Variants in DNAH11 observed in about 807,000 individuals in gnomAD.
The protein encoded by DNAH11 is axonemal beta dynein heavy chain 11.
DNAH11 carries 442 observed loss-of-function variants against 526.0 expected under a neutral mutation model. That is an observed-to-expected ratio of 0.84 (90% CI 0.78 to 0.91). The LOEUF (loss-of-function observed/expected upper bound fraction) is 0.91, where lower values mean the gene tolerates loss of function less well. DNAH11 is among the 40% of genes least tolerant of loss of function. DNAH11 has a pLI of 0.00. For synonymous variants in DNAH11, 2,461 were observed against 1,935.9 expected, an observed-to-expected ratio of 1.27 and a Z score of -7.12; for missense variants, 6,989 against 5,448.7, an observed-to-expected ratio of 1.28 and a Z score of -8.90.
intron 4 of DNAH11, 61 bp from the exon 5 acceptor site, chr7:21,561,010 G>T (rs1232685522): frequency 1.8e-6 from 2 of 1,086,342 alleles, no homozygotes; most frequent in African/African-American, 3.2e-5. Context: ...ATTACAGAAT[G>T]CATGTATTTA....
rs544172523 is a variant in DNAH11, at chr7:21,550,620, T to C, written c.495+5471T>C. Among the ~76,000 whole-genome samples, 3 of 152,304 alleles carry C rather than the reference T, an allele frequency of 2.0e-5. No homozygotes were observed. The East Asian group carries it at 5.8e-4, about 29-fold the overall frequency. On this transcript the variant is annotated intron_variant, in intron 2 of 81. Transcript: ENST00000409508. ...GAGTTTGATTCATTCTTTCTACCTT[T>C]CCAGAGGAAGGGGGATGCCAAGGGG... is the stretch of plus-strand genomic sequence containing the variant.
At chr7:21,747,297 G>A (rs1303828914) in intron 51 of DNAH11, among the ~76,000 whole-genome samples, 1 of 152,112 alleles carries the variant, frequency 6.6e-6, no homozygotes, top group Non-Finnish European at 1.5e-5. Context: ...CTCTGTTACT[G>A]GAGGTTTTCA....
chr7:21,562,536 A>G (rs1426401804), intron 5 of DNAH11, among the ~76,000 whole-genome samples: 1 of 152,114 alleles, frequency 6.6e-6, no homozygotes, highest in Non-Finnish European at 1.5e-5. Context: ...TCTGAGCCTT[A>G]TGCATGTGTG....
At position 21,622,742 on chromosome 7, in the gene DNAH11, T is replaced by G. The variant is rs1436439544; in HGVS notation, c.4500+2664T>G. On this transcript the variant is annotated intron_variant, in intron 25 of 81. Transcript: ENST00000409508. The stretch of plus-strand genomic sequence containing the variant: ...AAAGGATTCCCCATTTAATAAATGG[T>G]GCTGGGAAAACTGGCTAGCCATATG... 2.6e-5 allele frequency among the ~76,000 whole-genome samples: 4 copies of G among 152,232 alleles called. No individual in the cohort carries two copies. In the East Asian group the frequency reaches 5.8e-4, roughly 22 times the overall value.
Position 21,735,850 on chromosome 7 carries a change from T to C in DNAH11, c.7645+6T>C, listed in dbSNP as rs763999362. On this transcript the variant is annotated splice_donor_region_variant and intron_variant, in intron 46 of 81. Transcript: ENST00000409508. ...GACATCCACAGCTCTGCAAAGTAAG[T>C]GCACCTGTTTATTTTCTAGAAACAA... The C allele has an allele frequency of 3.2e-6, 5 of 1,584,130 alleles. No homozygotes were observed. The South Asian group carries it at 4.6e-5, about 15-fold the overall frequency.
chr7:21,865,739 A>C (rs1490539637), intron 70 of DNAH11, among the ~76,000 whole-genome samples: 1 of 152,250 alleles, frequency 6.6e-6, no homozygotes, highest in African/African-American at 2.4e-5. Flanking sequence ...GTGAGTCTGT[A>C]AAGCGAAAGC....
chr7:21,650,036 C>A (rs1373900146), intron 28 of DNAH11, among the ~76,000 whole-genome samples: 1 of 152,014 alleles, frequency 6.6e-6, no homozygotes, highest in South Asian at 2.1e-4. Flanking sequence ...TTAAGTTGTA[C>A]ACACATGATT....
At position 21,707,732 on chromosome 7, in the gene DNAH11, A is replaced by C. The variant is rs1418789300; in HGVS notation, c.6580A>C (p.Met2194Leu). ...LRTLNRTYVN[M>L]KQKPVWNDLN... ...AACACTGAACCGAACATATGTTAAC[A>C]TGAAACAGAAGCCGGTTTGGAATGA... The change falls in exon 40 of 82, where the codon ATG becomes CTG. Residue 2194 changes from methionine (M) to leucine (L), a missense_variant. Physicochemically the swap from Met to Leu is conservative, Grantham distance 15. Transcript: ENST00000409508. 2 of 1,613,512 alleles carry C rather than the reference A, an allele frequency of 1.2e-6. No homozygotes were observed. Among genetic ancestry groups the C allele is most frequent in the Non-Finnish European group, 1.7e-6 (2 of 1,179,654 alleles).
chr7:21,749,739 T>C lies in DNAH11; in HGVS notation c.8735T>C (p.Leu2912Pro). 3 of 1,614,014 alleles carry C rather than the reference T, an allele frequency of 1.9e-6. No homozygotes were observed. The highest frequency in any genetic ancestry group is 2.5e-6 in the Non-Finnish European group (3 of 1,179,874). Residue 2912 changes from leucine (L) to proline (P), a missense_variant, in exon 53 of 82, where the codon CTG (leucine) becomes CCG (proline). Leu to Pro is a moderately conservative substitution (Grantham distance 98, BLOSUM62 -3). Coordinates refer to ENST00000409508, the MANE Select transcript of DNAH11 (RefSeq NM_001277115.2). ...GAKNMPTVFL[L>P]TDAQVLDESF... ...AAGAACATGCCCACTGTGTTCCTGC[T>C]GACAGATGCCCAGGTTCTAGATGAG... is the stretch of plus-strand genomic sequence containing the variant.
At chr7:21,670,217 T>C (rs1026559047) in intron 30 of DNAH11, among the ~76,000 whole-genome samples, 1 of 152,068 alleles carries the variant, frequency 6.6e-6, no homozygotes, top group African/African-American at 2.4e-5. Context: ...CAGCAATGTT[T>C]TCTGTAGTTT....
At chr7:21,788,582 G>A (rs1427048159) in intron 60 of DNAH11, among the ~76,000 whole-genome samples, 1 of 151,968 alleles carries the variant, frequency 6.6e-6, no homozygotes, top group African/African-American at 2.4e-5. Context: ...CTCCCCACCA[G>A]CAGAAAAAAA....
At chr7:21,622,177 A>G (rs1474658551) in intron 25 of DNAH11, among the ~76,000 whole-genome samples, 1 of 152,202 alleles carries the variant, frequency 6.6e-6, no homozygotes, top group Non-Finnish European at 1.5e-5. Flanking sequence ...CACCAATAAC[A>G]GACAAACAGA....
At chr7:21,580,088 T>A (rs780847758) in intron 8 of DNAH11, among the ~76,000 whole-genome samples, 1 of 152,204 alleles carries the variant, frequency 6.6e-6, no homozygotes, top group Non-Finnish European at 1.5e-5. Context: ...TGTGGGACTT[T>A]CCAAGGGAGA....
chr7:21,895,820 G>T (rs6970450), intron 79 of DNAH11, among the ~76,000 whole-genome samples: 2 of 152,026 alleles, frequency 1.3e-5, no homozygotes, highest in Non-Finnish European at 2.9e-5. Context: ...AGCTCTGCCT[G>T]CCGGGTTCAC....
At chr7:21,602,434 T>A (rs564298912) in intron 18 of DNAH11, among the ~76,000 whole-genome samples, 5 of 152,206 alleles carry the variant, frequency 3.3e-5, no homozygotes, top group African/African-American at 4.8e-5. Flanking sequence ...TCCACCTGTT[T>A]CCATGCTGTG....
chr7:21,613,738 A>G (rs1048716108), intron 20 of DNAH11, among the ~76,000 whole-genome samples: 27 of 152,344 alleles, frequency 1.8e-4, no homozygotes, highest in African/African-American at 6.0e-4. Flanking sequence ...TATATTAATT[A>G]GCTCTATAGA....
At chr7:21,588,857 T>C (rs772671946) in intron 11 of DNAH11, among the ~76,000 whole-genome samples, 1 of 152,214 alleles carries the variant, frequency 6.6e-6, no homozygotes, top group Non-Finnish European at 1.5e-5. Context: ...GTCCTTTTTT[T>C]CTTTTTCCTT....
chr7:21,811,936 G>A (rs147147285), intron 63 of DNAH11, among the ~76,000 whole-genome samples: 1 of 152,192 alleles, frequency 6.6e-6, no homozygotes, highest in African/African-American at 2.4e-5. Flanking sequence ...AAAAAAGGAG[G>A]TACTCTAATA....
Position 21,608,600 on chromosome 7 carries a change from G to T in DNAH11, c.3852+1867G>T, listed in dbSNP as rs577627180. Among the ~76,000 whole-genome samples the T allele has an allele frequency of 3.3e-5, 5 of 152,244 alleles. No homozygotes were observed. In the South Asian group the frequency reaches 1.0e-3, roughly 32 times the overall value. On this transcript the variant is annotated intron_variant, in intron 20 of 81. Coordinates refer to ENST00000409508, the MANE Select transcript of DNAH11 (RefSeq NM_001277115.2). Reference sequence around the variant, plus strand: ...TCTTTCACTTGGCAGAAGAAAATTGGTTAACATATTCATTGAAAAGGGAGT... The same window carrying T: ...TCTTTCACTTGGCAGAAGAAAATTGTTTAACATATTCATTGAAAAGGGAGT...
Sources: allele counts gnomAD v4.1 joint callset (sites outside exome capture counted in the v4.1 genomes callset), GRCh38; gene constraint gnomAD v4.1.1; transcripts MANE v1.5; gene names NCBI Gene and HGNC (gene_info 2026-07-23, HGNC 2026-07-21).